Variants in FOXO1 observed in about 807,000 individuals in gnomAD.
FOXO1 encodes forkhead box O1, also known as forkhead box protein O1.
A neutral mutation model predicts 44.1 loss-of-function variants in FOXO1; 6 were observed. The observed-to-expected ratio is 0.14, with a 90% CI of 0.07 to 0.27. The LOEUF is 0.27. Among genes scored for constraint, FOXO1 ranks in the 10% least tolerant of loss-of-function variants. The pLI, the probability that FOXO1 is intolerant of heterozygous loss-of-function variation, is 1.00. For synonymous variants in FOXO1, 380 were observed against 362.7 expected (o/e 1.05, Z -0.54); for missense variants, 737 against 888.8 (o/e 0.83, Z 2.17).
chr13:40,580,436 T>C (rs529078651), intron 1 of FOXO1, among the ~76,000 whole-genome samples: 188 of 152,302 alleles, frequency 1.2e-3, no homozygotes, highest in African/African-American at 4.2e-3. Flanking sequence ...ACCTGGAATC[T>C]ACATCCAGTA....
chr13:40,600,859 T>C (rs1013637328), intron 1 of FOXO1, among the ~76,000 whole-genome samples: 1 of 152,206 alleles, frequency 6.6e-6, no homozygotes, highest in Admixed American at 6.5e-5. Context: ...TAACAGACTT[T>C]TATTTAGACT....
At chr13:40,662,871 T>G (rs2137946630) in intron 1 of FOXO1, among the ~76,000 whole-genome samples, 1 of 152,348 alleles carries the variant, frequency 6.6e-6, no homozygotes, top group South Asian at 2.1e-4. Flanking sequence ...ATAGTAAAAT[T>G]TCTCTTTTAT....
intron 1 of FOXO1, among the ~76,000 whole-genome samples, chr13:40,638,381 T>A (rs1490908732): frequency 6.6e-6 from 1 of 152,144 alleles, no homozygotes; most frequent in Non-Finnish European, 1.5e-5. Context: ...ACATTTTTGC[T>A]TCTCCAACAA....
intron 1 of FOXO1, among the ~76,000 whole-genome samples, chr13:40,623,093 C>T (rs1363353102): frequency 6.6e-6 from 1 of 151,734 alleles, no homozygotes; most frequent in African/African-American, 2.4e-5. Flanking sequence ...CATTTATTCA[C>T]CTTTCTCTAA....
chr13:40,641,256 C>T (rs985255477), intron 1 of FOXO1, among the ~76,000 whole-genome samples: 2 of 152,148 alleles, frequency 1.3e-5, no homozygotes, highest in African/African-American at 4.8e-5. Context: ...GAGGAAACCA[C>T]AGGCAACTCC....
chr13:40,583,632 T>C (rs1875037928), intron 1 of FOXO1, among the ~76,000 whole-genome samples: 1 of 152,376 alleles, frequency 6.6e-6, no homozygotes, highest in East Asian at 1.9e-4. Context: ...TTCAAACTTT[T>C]CTTCTGCAGC....
Position 40,642,931 on chromosome 13 carries a change from T to A in FOXO1, c.630+22652A>T, listed in dbSNP as rs541913566. ...TCCCAAAAATAAAAAATACAAATAA[T>A]CTCAAGTTTGACTTGCTTGAATCCA... On this transcript the variant is annotated intron_variant, in intron 1 of 2. Transcript: ENST00000379561. 3.9e-5 allele frequency among the ~76,000 whole-genome samples: 6 copies of A among 152,164 alleles called. No individual in the cohort carries two copies. In the South Asian group the frequency reaches 1.2e-3, roughly 32 times the overall value.
chr13:40,619,490 GGTTTA>G, intron 1 of FOXO1: 1 of 1,307,994 alleles, frequency 7.6e-7, no homozygotes, highest in East Asian at 2.4e-5. Context: ...GGAGAGTTTC[GGTTTA>G]GTTTGGAAAT....
chr13:40,642,747 C>T (rs1877391298), intron 1 of FOXO1, among the ~76,000 whole-genome samples: 2 of 151,892 alleles, frequency 1.3e-5, no homozygotes, highest in South Asian at 4.2e-4. Context: ...GGCAAAACAC[C>T]GTCTCTACCA....
intron 1 of FOXO1, among the ~76,000 whole-genome samples, chr13:40,563,590 G>C (rs569097843): frequency 6.6e-6 from 1 of 151,334 alleles, no homozygotes; most frequent in Non-Finnish European, 1.5e-5. Flanking sequence ...CTGTTCCCAA[G>C]AATCCCCACC....
chr13:40,558,897 C>T lies in FOXO1; in HGVS notation c.*152G>A, dbSNP rs969020810. ...AAAATGTCTTTGCTGCCAAGTCTGA[C>T]GAAAGGAAAAAAGGAGGGTTTTTTT... On this transcript the variant is annotated 3_prime_UTR_variant, in exon 3 of 3. Transcript: ENST00000379561. 1.6e-4 allele frequency: 63 copies of T among 393,186 alleles called. No individual in the cohort carries two copies. Among genetic ancestry groups the T allele is most frequent in the Non-Finnish European group, 1.8e-4 (41 of 225,018 alleles). The allele number at this position is 393,186 out of a possible 1,614,324, so 24.4% of individuals were successfully genotyped here.
At chr13:40,619,312 T>TA in intron 1 of FOXO1, 2 of 465,532 alleles carry the variant, frequency 4.3e-6, no homozygotes, top group South Asian at 4.0e-5. Flanking sequence ...TAAAATGAAA[T>TA]AAAGAAATGG....
At chr13:40,639,130 G>GT (rs1877265999) in intron 1 of FOXO1, among the ~76,000 whole-genome samples, 1 of 152,142 alleles carries the variant, frequency 6.6e-6, no homozygotes, top group African/African-American at 2.4e-5. Context: ...GGAGCAGGGG[G>GT]TTGCAGTGAG....
chr13:40,597,717 G>A (rs963326894), intron 1 of FOXO1, among the ~76,000 whole-genome samples: 6 of 152,158 alleles, frequency 3.9e-5, no homozygotes, highest in African/African-American at 1.4e-4. Context: ...CTGCTGACTC[G>A]CACCCTGGGA....
At position 40,556,070 on chromosome 13, in the gene FOXO1, T is replaced by C. The variant is rs1010996325; in HGVS notation, c.*2979A>G. ...TTTTAATGAATGATTATTCCCAAAC[T>C]AAAACCAGAAAAGAAACTTCTCTTT... On this transcript the variant is annotated 3_prime_UTR_variant, in exon 3 of 3. Coordinates refer to ENST00000379561, the MANE Select transcript of FOXO1 (RefSeq NM_002015.4). 28 of 152,186 alleles carry C rather than the reference T, an allele frequency of 1.8e-4. No homozygotes were observed. The highest frequency in any genetic ancestry group is 6.8e-4 in the African/African-American group (28 of 41,444). 9.4% of individuals were successfully genotyped at this position (152,186 alleles called of 1,614,324 possible).
Position 40,666,288 on chromosome 13 carries a change from G to A in FOXO1, c.-76C>T, listed in dbSNP as rs1878252826. On this transcript the variant is annotated 5_prime_UTR_variant, in exon 1 of 3. Transcript: ENST00000379561. ...GCAGCACTGGGGGCGGACGGGGAGG[G>A]GGCGCGAAGGGACGGTCCGAGATTT... 3 of 1,219,000 alleles carry A rather than the reference G, an allele frequency of 2.5e-6. No individual in the cohort carries two copies. Among genetic ancestry groups the A allele is most frequent in the Non-Finnish European group, 3.2e-6 (3 of 949,028 alleles). 75.5% of individuals were successfully genotyped at this position (1,219,000 alleles called of 1,614,324 possible).
intron 1 of FOXO1, among the ~76,000 whole-genome samples, chr13:40,624,996 T>A (rs1395220449): frequency 6.6e-6 from 1 of 152,220 alleles, no homozygotes; most frequent in Non-Finnish European, 1.5e-5. Context: ...ACAAAAAGTC[T>A]AGTAATATAA....
intron 1 of FOXO1, among the ~76,000 whole-genome samples, chr13:40,632,911 CAAA>C (rs61652588): frequency 3.1e-5 from 2 of 64,082 alleles, no homozygotes; most frequent in Admixed American, 1.8e-4. Flanking sequence ...AACTCCATCT[CAAA>C]AAAAAAAAAA....
chr13:40,617,378 G>A (rs985792108), intron 1 of FOXO1, among the ~76,000 whole-genome samples: 6 of 151,934 alleles, frequency 3.9e-5, no homozygotes, highest in Non-Finnish European at 8.8e-5. Flanking sequence ...CCAGGAGGCG[G>A]AGGTTGTGGT....
Sources: gnomAD v4.1 joint callset for allele counts (sites outside exome capture counted in the v4.1 genomes callset) on GRCh38, gnomAD v4.1.1 for gene constraint, MANE v1.5 for transcripts, NCBI Gene and HGNC (gene_info 2026-07-23, HGNC 2026-07-21) for gene names.